Variants in SKAP1 observed in about 807,000 individuals in gnomAD.
SKAP1 encodes the protein src kinase associated phosphoprotein 1.
A neutral mutation model predicts 58.5 loss-of-function variants in SKAP1; 44 were observed. The ratio of observed to expected loss-of-function variants is 0.75; its 90% CI spans 0.59 to 0.97. The LOEUF is 0.97. SKAP1 is among the 50% of genes least tolerant of loss of function. The pLI, the probability that SKAP1 is intolerant of heterozygous loss-of-function variation, is 0.00. For synonymous variants in SKAP1, 127 were observed against 149.7 expected (o/e 0.85, Z 1.11); for missense variants, 390 against 435.2 (o/e 0.90, Z 0.92).
intron 4 of SKAP1, among the ~76,000 whole-genome samples, chr17:48,257,967 G>A (rs1187346242): frequency 1.3e-5 from 2 of 151,974 alleles, no homozygotes; most frequent in East Asian, 1.9e-4. Context: ...TGAGAAAAGC[G>A]ACCCAACATT....
intron 4 of SKAP1, among the ~76,000 whole-genome samples, chr17:48,274,718 C>A (rs72827808): frequency 0.2 from 29,708 of 151,292 alleles, 3,671 homozygotes; most frequent in South Asian, 0.38. Flanking sequence ...ATTTTTTTTT[C>A]TTTTAAAGAG....
Position 48,184,839 on chromosome 17 carries a change from G to C in SKAP1, c.451C>G (p.Pro151Ala). 1 of 1,613,302 alleles carries C rather than the reference G, an allele frequency of 6.2e-7. No individual in the cohort carries two copies. Among genetic ancestry groups the C allele is most frequent in the Non-Finnish European group, 8.5e-7 (1 of 1,179,610 alleles). Residue 151 changes from proline to alanine, a missense_variant, in exon 7 of 13, where the codon CCC (proline) becomes GCC (alanine). Pro to Ala is a conservative substitution (Grantham distance 27, BLOSUM62 -1). Coordinates refer to ENST00000336915, the MANE Select transcript of SKAP1 (RefSeq NM_003726.4). ...YYYANEKSKQ[P>A]KGTFLIKGYG... Reference sequence around the variant, plus strand: ...CCCTTAATGAGGAAGGTCCCTTTGGGCTGCTTGCCTGCAAGACAGGAAAGC... The same window carrying C: ...CCCTTAATGAGGAAGGTCCCTTTGGCCTGCTTGCCTGCAAGACAGGAAAGC...
At chr17:48,407,465 A>G (rs34206844) in intron 1 of SKAP1, among the ~76,000 whole-genome samples, 1 of 152,182 alleles carries the variant, frequency 6.6e-6, no homozygotes, top group South Asian at 2.1e-4. Context: ...ATTTAATCAC[A>G]AGTGCTTGGC....
At chr17:48,398,792 C>A (rs759029861) in intron 1 of SKAP1, among the ~76,000 whole-genome samples, 2 of 152,184 alleles carry the variant, frequency 1.3e-5, no homozygotes, top group East Asian at 3.9e-4. Flanking sequence ...GAGGCCAAGG[C>A]GGGCGGATCA....
At chr17:48,166,922 T>C (rs1012252874) in intron 10 of SKAP1, among the ~76,000 whole-genome samples, 1 of 152,002 alleles carries the variant, frequency 6.6e-6, no homozygotes, top group Non-Finnish European at 1.5e-5. Context: ...TGAAGTGCAG[T>C]GGCACAATCA....
intron 1 of SKAP1, among the ~76,000 whole-genome samples, chr17:48,411,984 A>T (rs1183691451): frequency 6.6e-6 from 1 of 152,230 alleles, no homozygotes; most frequent in Non-Finnish European, 1.5e-5. Context: ...TGTGGATTTT[A>T]GTTAAGAATG....
chr17:48,414,057 C>T (rs1401301139), intron 1 of SKAP1, among the ~76,000 whole-genome samples: 3 of 152,150 alleles, frequency 2.0e-5, no homozygotes, highest in Non-Finnish European at 4.4e-5. Context: ...TTGTTGAATG[C>T]TTATCACAGG....
intron 4 of SKAP1, among the ~76,000 whole-genome samples, chr17:48,330,917 T>C (rs2066498282): frequency 6.6e-6 from 1 of 152,168 alleles, no homozygotes; most frequent in South Asian, 2.1e-4. Flanking sequence ...TCTGTTATCG[T>C]TGAGCATGAT....
chr17:48,215,632 TTC>T (rs1354731461), intron 4 of SKAP1, among the ~76,000 whole-genome samples: 2 of 152,186 alleles, frequency 1.3e-5, no homozygotes, highest in African/African-American at 2.4e-5. Context: ...GGCCTCCCCA[TTC>T]TTTTTGCTAA....
At chr17:48,168,125 A>G (rs567565559) in intron 10 of SKAP1, among the ~76,000 whole-genome samples, 5 of 152,086 alleles carry the variant, frequency 3.3e-5, no homozygotes, top group African/African-American at 1.2e-4. Flanking sequence ...TTAACACTCA[A>G]TAAGGATGAA....
At chr17:48,257,700 AC>A (rs1390758938) in intron 4 of SKAP1, among the ~76,000 whole-genome samples, 2 of 140,164 alleles carry the variant, frequency 1.4e-5, no homozygotes, top group African/African-American at 5.4e-5. Context: ...AGGGTCTCTC[AC>A]ACTGCTCATC....
chr17:48,162,467 A>G lies in SKAP1; in HGVS notation c.978+2T>C. On this transcript the variant is annotated splice_donor_variant, in intron 11 of 12. Transcript: ENST00000336915. LOFTEE classifies it high-confidence loss of function. The stretch of plus-strand genomic sequence containing the variant: ...TTTAAGCCCCACACTTTCTGTCCTT[A>G]CCTTGCTCAGAATACGGATGAGGTC... 1.2e-6 allele frequency: 2 copies of G among 1,609,748 alleles called. No individual in the cohort carries two copies. Among genetic ancestry groups the G allele is most frequent in the Non-Finnish European group, 1.7e-6 (2 of 1,176,488 alleles).
At chr17:48,138,893 A>AT (rs112822847) in intron 11 of SKAP1, among the ~76,000 whole-genome samples, 41,411 of 149,388 alleles carry the variant, frequency 0.28, 5,864 homozygotes, top group South Asian at 0.38. Context: ...ATGAAAAAAA[A>AT]ATTTTTTTTT....
chr17:48,309,355 G>T (rs1217736512), intron 4 of SKAP1, among the ~76,000 whole-genome samples: 1 of 152,008 alleles, frequency 6.6e-6, no homozygotes, highest in Non-Finnish European at 1.5e-5. Flanking sequence ...AACTTAGAAC[G>T]TATGAGTCCC....
intron 4 of SKAP1, among the ~76,000 whole-genome samples, chr17:48,204,980 T>TC (rs59873051): frequency 1.8e-5 from 1 of 55,586 alleles, no homozygotes; most frequent in African/African-American, 8.2e-5. Flanking sequence ...TTCTTTTCTT[T>TC]CTTTCTTTCT....
At chr17:48,430,284 G>A (rs1397366991), upstream of SKAP1, 1 of 392,806 alleles carries the variant, frequency 2.5e-6, no homozygotes, top group Non-Finnish European at 4.1e-6. Context: ...GGCGCGTCAG[G>A]AAGTGGCGCG....
At chr17:48,160,117 G>T (rs1407124713) in intron 11 of SKAP1, among the ~76,000 whole-genome samples, 1 of 152,088 alleles carries the variant, frequency 6.6e-6, no homozygotes, top group Non-Finnish European at 1.5e-5. Context: ...TGATATATTT[G>T]CTTTCTTTTC....
chr17:48,397,876 G>C (rs1057428442), intron 1 of SKAP1, among the ~76,000 whole-genome samples: 1 of 151,614 alleles, frequency 6.6e-6, no homozygotes, highest in Admixed American at 6.6e-5. Flanking sequence ...CAGAGGGGGG[G>C]TGGTTCTACA....
chr17:48,185,234 TTGAGGG>T (rs2064432930), intron 6 of SKAP1: 1 of 170,026 alleles, frequency 5.9e-6, no homozygotes. Context: ...GAGCTCACAT[TTGAGGG>T]GAGGGACAGC....
Sources: allele counts gnomAD v4.1 joint callset (sites outside exome capture counted in the v4.1 genomes callset), GRCh38; gene constraint gnomAD v4.1.1; transcripts MANE v1.5; gene names NCBI Gene and HGNC (gene_info 2026-07-23, HGNC 2026-07-21).